The following CFAP47 variants were observed in gnomAD, a reference collection of about 807,000 sequenced individuals.
CFAP47 encodes cilia- and flagella-associated protein 47.
In CFAP47, 29 loss-of-function variants were observed where a neutral mutation model predicts 148.1. The ratio of observed to expected loss-of-function variants is 0.20; its 90% CI spans 0.15 to 0.27. CFAP47 has a LOEUF of 0.27. Among genes scored for constraint, CFAP47 ranks in the 10% least tolerant of loss-of-function variants. CFAP47 has a pLI of 1.00. For missense variants in CFAP47, 1,872 were observed against 1,697.5 expected (o/e 1.10, Z -1.81); for synonymous variants, 664 against 577.3 (o/e 1.15, Z -2.15).
chrX:35,924,170 T>C (rs192080751), intron 1 of CFAP47, among the ~76,000 whole-genome samples: 5 of 88,927 alleles, frequency 5.6e-5, no homozygotes, highest in South Asian at 4.8e-4. Context: ...TGTATATATG[T>C]ACATGTATGC....
chrX:36,235,467 T>C (rs146759744), intron 46 of CFAP47, among the ~76,000 whole-genome samples: 1,234 of 112,388 alleles, frequency 0.011, 10 homozygotes, highest in Non-Finnish European at 0.017. Flanking sequence ...TTTAAGCCTG[T>C]GGAAAAGCGC....
chrX:36,170,204 G>A (rs375764299), intron 39 of CFAP47, among the ~76,000 whole-genome samples: 3 of 111,724 alleles, frequency 2.7e-5, no homozygotes, highest in Non-Finnish European at 5.6e-5. Flanking sequence ...GTATTTACCA[G>A]TGTTCTGAAA....
At chrX:35,932,160 C>T (rs1256157841) in intron 2 of CFAP47, among the ~76,000 whole-genome samples, 1 of 109,547 alleles carries the variant, frequency 9.1e-6, no homozygotes, top group African/African-American at 3.3e-5. Context: ...ATGATCCTCC[C>T]TCCTCAGCCC....
intron 33 of CFAP47, among the ~76,000 whole-genome samples, chrX:36,116,701 A>G (rs1413027024): frequency 4.5e-5 from 5 of 112,070 alleles, no homozygotes; most frequent in African/African-American, 1.6e-4. Context: ...TGTGTTAATT[A>G]TATAATGGGG....
At chrX:36,198,606 G>A (rs1448389141) in intron 42 of CFAP47, among the ~76,000 whole-genome samples, 1 of 112,441 alleles carries the variant, frequency 8.9e-6, no homozygotes, top group Admixed American at 9.4e-5. Context: ...ATTTCAAAAT[G>A]TCAAGGAAAT....
intron 8 of CFAP47, among the ~76,000 whole-genome samples, chrX:35,964,928 C>G (rs1487027172): frequency 2.7e-5 from 3 of 111,196 alleles, no homozygotes; most frequent in Non-Finnish European, 5.7e-5. Flanking sequence ...CAATAGTTAA[C>G]TTACTATGTT....
chrX:36,060,208 G>A (rs779390406), intron 26 of CFAP47, among the ~76,000 whole-genome samples: 27 of 111,719 alleles, frequency 2.4e-4, no homozygotes, highest in African/African-American at 8.1e-4. Context: ...ACGTGTGTGT[G>A]TGTGAACATA....
At chrX:36,124,382 G>A (rs1938800267) in intron 33 of CFAP47, among the ~76,000 whole-genome samples, 1 of 111,374 alleles carries the variant, frequency 9.0e-6, no homozygotes, top group Non-Finnish European at 1.9e-5. Context: ...TGCCTTTCAA[G>A]TTCACCTAGG....
chrX:36,282,466 G>A (rs1941089416), intron 50 of CFAP47, among the ~76,000 whole-genome samples: 1 of 111,485 alleles, frequency 9.0e-6, no homozygotes, highest in African/African-American at 3.2e-5. Flanking sequence ...CAGGTTGAAA[G>A]ATAGATTAAA....
intron 33 of CFAP47, among the ~76,000 whole-genome samples, chrX:36,112,439 T>G (rs1938571065): frequency 8.9e-6 from 1 of 112,023 alleles, no homozygotes; most frequent in African/African-American, 3.2e-5. Context: ...TCTTGATTTC[T>G]AATTTTATTA....
intron 33 of CFAP47, among the ~76,000 whole-genome samples, chrX:36,126,197 C>T (rs1232368231): frequency 9.1e-6 from 1 of 109,559 alleles, no homozygotes; most frequent in African/African-American, 3.3e-5. Flanking sequence ...ATCTACCCAT[C>T]ACCCAATACC....
chrX:35,965,968 A>G (rs1019181714), intron 8 of CFAP47, among the ~76,000 whole-genome samples: 2 of 109,516 alleles, frequency 1.8e-5, no homozygotes, highest in Admixed American at 2.0e-4. Context: ...TACTCCTTGG[A>G]TTTTTGTGAG....
intron 22 of CFAP47, among the ~76,000 whole-genome samples, chrX:36,027,155 T>C (rs1240582385): frequency 2.9e-5 from 3 of 103,592 alleles, no homozygotes; most frequent in Admixed American, 1.1e-4. Context: ...TATATATGAT[T>C]ATATATATGT....
At chrX:36,003,825 T>G (rs556182696) in intron 21 of CFAP47, among the ~76,000 whole-genome samples, 1 of 110,128 alleles carries the variant, frequency 9.1e-6, no homozygotes, top group Admixed American at 9.8e-5. Flanking sequence ...GAAGTCAAAT[T>G]ATCCCTGTTT....
chrX:36,120,765 C>A (rs1938729045), intron 33 of CFAP47, among the ~76,000 whole-genome samples: 1 of 108,871 alleles, frequency 9.2e-6, no homozygotes, highest in South Asian at 3.9e-4. Flanking sequence ...AGTTTGAAGG[C>A]TTTTTGTGCC....
intron 33 of CFAP47, among the ~76,000 whole-genome samples, chrX:36,105,786 C>A (rs1569260575): frequency 8.9e-6 from 1 of 112,272 alleles, no homozygotes; most frequent in Non-Finnish European, 1.9e-5. Context: ...ACACTTTGAC[C>A]AGGGTGTCAT....
intron 27 of CFAP47, among the ~76,000 whole-genome samples, chrX:36,065,946 A>G (rs1321278538): frequency 8.9e-6 from 1 of 112,407 alleles, no homozygotes; most frequent in East Asian, 2.8e-4. Context: ...TGATTTGGGC[A>G]AAAGACAATA....
chrX:36,195,095 G>A (rs1939905871), intron 42 of CFAP47, among the ~76,000 whole-genome samples: 1 of 112,975 alleles, frequency 8.9e-6, no homozygotes. Flanking sequence ...CCCCATGCAA[G>A]GCATACTCTT....
At chrX:36,230,549 A>T (rs868938127) in intron 46 of CFAP47, among the ~76,000 whole-genome samples, 10 of 100,920 alleles carry the variant, frequency 9.9e-5, no homozygotes, top group Middle Eastern at 9.8e-3. Context: ...ATTTTCTCCC[A>T]TTTTGTAGGT....
Sources: allele counts gnomAD v4.1 joint callset (sites outside exome capture counted in the v4.1 genomes callset), GRCh38; gene constraint gnomAD v4.1.1; transcripts MANE v1.5; gene names NCBI Gene and HGNC (gene_info 2026-07-23, HGNC 2026-07-21).